CNTNAP2: variants seen among roughly 807,000 people sequenced by gnomAD.
The protein encoded by CNTNAP2 is contactin associated protein 2.
Under a neutral mutation model 155.2 loss-of-function variants are expected in CNTNAP2, and 98 were observed. The observed-to-expected ratio is 0.63, with a 90% CI of 0.54 to 0.75. CNTNAP2 has a LOEUF of 0.75. Ranked by LOEUF, CNTNAP2 falls within the 30% of genes least tolerant of loss-of-function variation. CNTNAP2 has a pLI of 0.00. For synonymous variants in CNTNAP2, 651 were observed against 631.2 expected, an observed-to-expected ratio of 1.03 and a Z score of -0.47; for missense variants, 1,727 against 1,688.1, an observed-to-expected ratio of 1.02 and a Z score of -0.40.
chr7:148,289,337 C>G (rs916961333), intron 21 of CNTNAP2, among the ~76,000 whole-genome samples: 4 of 152,076 alleles, frequency 2.6e-5, no homozygotes, highest in African/African-American at 9.7e-5. Context: ...GAAGAGTGTG[C>G]TCTCTGCTTA....
At chr7:148,099,947 A>G (rs1804062048) in intron 15 of CNTNAP2, among the ~76,000 whole-genome samples, 1 of 136,170 alleles carries the variant, frequency 7.3e-6, no homozygotes, top group East Asian at 2.3e-4. Context: ...GTCTTGGGTC[A>G]CTGCAACCTC....
chr7:146,576,012 C>G (rs1331645393), intron 1 of CNTNAP2, among the ~76,000 whole-genome samples: 1 of 152,184 alleles, frequency 6.6e-6, no homozygotes, highest in Non-Finnish European at 1.5e-5. Flanking sequence ...GCTTCAACAC[C>G]TGCTGATGTG....
chr7:148,382,786 T>C (rs970872052), intron 21 of CNTNAP2, among the ~76,000 whole-genome samples: 18 of 152,214 alleles, frequency 1.2e-4, no homozygotes, highest in Non-Finnish European at 4.4e-5. Context: ...GTTAAAAGGC[T>C]CTGAGGTCAG....
intron 1 of CNTNAP2, among the ~76,000 whole-genome samples, chr7:146,340,286 G>GTTT (rs548459768): frequency 3.2e-5 from 3 of 93,826 alleles, no homozygotes; most frequent in Non-Finnish European, 6.2e-5. Flanking sequence ...TGTTGTTGTT[G>GTTT]TTTTTTTTTT....
At chr7:148,015,435 C>T (rs1802160905) in intron 15 of CNTNAP2, among the ~76,000 whole-genome samples, 1 of 152,182 alleles carries the variant, frequency 6.6e-6, no homozygotes, top group African/African-American at 2.4e-5. Flanking sequence ...TCCAAGGACA[C>T]AGAGGAGCGC....
At chr7:148,205,808 T>C (rs1324347511) in intron 18 of CNTNAP2, among the ~76,000 whole-genome samples, 1 of 152,192 alleles carries the variant, frequency 6.6e-6, no homozygotes, top group African/African-American at 2.4e-5. Flanking sequence ...TGAACATTTA[T>C]TGAATATCTG....
At chr7:148,049,333 A>G (rs1802839631) in intron 15 of CNTNAP2, among the ~76,000 whole-genome samples, 1 of 152,246 alleles carries the variant, frequency 6.6e-6, no homozygotes, top group Non-Finnish European at 1.5e-5. Flanking sequence ...TGAAGGGAAC[A>G]GTTATTATAA....
At chr7:146,442,704 T>G (rs1796337647) in intron 1 of CNTNAP2, among the ~76,000 whole-genome samples, 1 of 152,110 alleles carries the variant, frequency 6.6e-6, no homozygotes, top group Non-Finnish European at 1.5e-5. Flanking sequence ...GACATTTTTG[T>G]GGTATCGTAC....
intron 11 of CNTNAP2, among the ~76,000 whole-genome samples, chr7:147,518,446 C>T (rs1402964190): frequency 6.6e-6 from 1 of 152,140 alleles, no homozygotes; most frequent in African/African-American, 2.4e-5. Flanking sequence ...AAGGTCTGGA[C>T]TTTGGGGGCC....
intron 2 of CNTNAP2, among the ~76,000 whole-genome samples, chr7:146,778,595 T>G (rs999395649): frequency 6.6e-6 from 1 of 152,216 alleles, no homozygotes; most frequent in Non-Finnish European, 1.5e-5. Flanking sequence ...CACTTAGATG[T>G]GTTACTCTTT....
At chr7:148,008,077 G>A (rs1317100716) in intron 15 of CNTNAP2, among the ~76,000 whole-genome samples, 1 of 151,936 alleles carries the variant, frequency 6.6e-6, no homozygotes, top group Non-Finnish European at 1.5e-5. Flanking sequence ...AAAATAGTAG[G>A]AGGAGGCCGG....
intron 11 of CNTNAP2, among the ~76,000 whole-genome samples, chr7:147,537,828 T>C (rs1336212042): frequency 6.6e-6 from 1 of 152,214 alleles, no homozygotes; most frequent in Non-Finnish European, 1.5e-5. Flanking sequence ...TGAAAATGGA[T>C]CTATGTAAAA....
At position 146,935,173 on chromosome 7, in the gene CNTNAP2, G is replaced by A. The variant is rs528892939; in HGVS notation, c.402+95269G>A. ...GAAGATGGCATCCTTGATGTGAACA[G>A]CTTTTCCCAAGATCATGAATCAAGA... On this transcript the variant is annotated intron_variant, in intron 3 of 23. Transcript: ENST00000361727. Among the ~76,000 whole-genome samples the A allele has an allele frequency of 4.6e-5, 7 of 152,232 alleles. No homozygotes were observed. In the East Asian group the frequency reaches 1.4e-3, roughly 29 times the overall value.
At chr7:147,003,432 C>T (rs2129241672) in intron 3 of CNTNAP2, among the ~76,000 whole-genome samples, 1 of 151,896 alleles carries the variant, frequency 6.6e-6, no homozygotes, top group East Asian at 1.9e-4. Context: ...TTGAATAATA[C>T]TTGCAAAGTT....
intron 1 of CNTNAP2, among the ~76,000 whole-genome samples, chr7:146,426,212 T>TAAAAAAAAAAAAAAAAAAAAAAAA (rs1554431713): frequency 2.6e-5 from 3 of 113,274 alleles, no homozygotes; most frequent in African/African-American, 1.1e-4. Flanking sequence ...AAAAAAAAAT[T>TAAAAAAAAAAAAAAAAAAAAAAAA]AAAACTTAAG....
intron 3 of CNTNAP2, among the ~76,000 whole-genome samples, chr7:146,846,931 A>C (rs1341725896): frequency 6.8e-6 from 1 of 146,524 alleles, no homozygotes. Flanking sequence ...TGTTTAAAGT[A>C]TCCATGAAAC....
chr7:148,369,971 G>GA (rs1798857520), intron 21 of CNTNAP2, among the ~76,000 whole-genome samples: 1 of 152,124 alleles, frequency 6.6e-6, no homozygotes, highest in Non-Finnish European at 1.5e-5. Flanking sequence ...AGAATTCTGT[G>GA]AAGGAAAAGC....
chr7:147,078,219 T>A (rs983881307), intron 4 of CNTNAP2, among the ~76,000 whole-genome samples: 1 of 152,236 alleles, frequency 6.6e-6, no homozygotes, highest in African/African-American at 2.4e-5. Flanking sequence ...AAAATAACCC[T>A]GACAATGCCA....
At chr7:146,917,278 A>G (rs760689212) in intron 3 of CNTNAP2, among the ~76,000 whole-genome samples, 92 of 152,174 alleles carry the variant, frequency 6.0e-4, no homozygotes, top group Non-Finnish European at 8.2e-4. Context: ...TAGAATGTAT[A>G]TTCTGCAGTT....
Sources: gnomAD v4.1 joint callset for allele counts (sites outside exome capture counted in the v4.1 genomes callset) on GRCh38, gnomAD v4.1.1 for gene constraint, MANE v1.5 for transcripts, NCBI Gene and HGNC (gene_info 2026-07-23, HGNC 2026-07-21) for gene names.